Variants in TUSC3 observed in about 807,000 individuals in gnomAD.
TUSC3 encodes tumor suppressor candidate 3, also known as dolichyl-diphosphooligosaccharide--protein glycosyltransferase subunit TUSC3.
In TUSC3, 45 loss-of-function variants were observed where a neutral mutation model predicts 44.8. That is an observed-to-expected ratio of 1.00 (90% CI 0.79 to 1.29). The LOEUF (loss-of-function observed/expected upper bound fraction) is 1.29. Among genes scored for constraint, TUSC3 ranks in the 50% most tolerant of loss-of-function variants. TUSC3 has a pLI of 0.00. For missense variants in TUSC3, 519 were observed against 437.9 expected, an observed-to-expected ratio of 1.19 and a Z score of -1.65; for synonymous variants, 212 against 152.9, an observed-to-expected ratio of 1.39 and a Z score of -2.85.
the TUSC3 span, among the ~76,000 whole-genome samples, chr8:15,849,018 A>C: frequency 6.6e-6 from 1 of 152,324 alleles, no homozygotes; most frequent in Non-Finnish European, 1.5e-5. Context: ...ACATGCCCAG[A>C]ATACTTTTAA....
chr8:15,588,984 A>G (rs539781082), intron 1 of TUSC3, among the ~76,000 whole-genome samples: 2 of 152,250 alleles, frequency 1.3e-5, no homozygotes, highest in South Asian at 4.1e-4. Flanking sequence ...GAAGTTGGGT[A>G]ATGTGATGCT....
At chr8:15,546,505 G>A (rs57599744) in intron 1 of TUSC3, among the ~76,000 whole-genome samples, 3,612 of 151,552 alleles carry the variant, frequency 0.024, 151 homozygotes, top group African/African-American at 0.083. Context: ...GAATATTAAG[G>A]CTTCAAAGAT....
At chr8:15,748,114 G>T (rs1229560394) in intron 8 of TUSC3, among the ~76,000 whole-genome samples, 1 of 152,022 alleles carries the variant, frequency 6.6e-6, no homozygotes, top group Admixed American at 6.6e-5. Flanking sequence ...AGAAGACTTA[G>T]ATCAGTCAAT....
the TUSC3 span, among the ~76,000 whole-genome samples, chr8:15,841,351 C>T: frequency 6.6e-6 from 1 of 151,906 alleles, no homozygotes; most frequent in Non-Finnish European, 1.5e-5. Context: ...AATAAATTTA[C>T]TAGCTAAGGT....
chr8:15,773,096 G>A, the TUSC3 span, among the ~76,000 whole-genome samples: 8 of 129,138 alleles, frequency 6.2e-5, no homozygotes, highest in African/African-American at 1.7e-4. Context: ...GCCTACTTTC[G>A]CCACCTCTAT....
At chr8:15,742,289 C>CT (rs1007127221) in intron 7 of TUSC3, among the ~76,000 whole-genome samples, 5 of 151,956 alleles carry the variant, frequency 3.3e-5, no homozygotes, top group South Asian at 2.1e-4. Context: ...CTTTATTTTC[C>CT]TTTTTTCTAG....
intron 1 of TUSC3, among the ~76,000 whole-genome samples, chr8:15,573,575 C>G (rs1802974589): frequency 1.3e-5 from 2 of 152,028 alleles, no homozygotes; most frequent in South Asian, 4.2e-4. Flanking sequence ...GAGGGCAATG[C>G]AGAGGGAGCC....
the TUSC3 span, among the ~76,000 whole-genome samples, chr8:15,814,687 C>G: frequency 6.6e-6 from 1 of 152,118 alleles, no homozygotes; most frequent in Non-Finnish European, 1.5e-5. Context: ...TTGCCTTACC[C>G]AGAGTTTTTC....
At chr8:15,747,095 C>T (rs1479720620) in intron 8 of TUSC3, among the ~76,000 whole-genome samples, 3 of 152,012 alleles carry the variant, frequency 2.0e-5, no homozygotes, top group African/African-American at 7.2e-5. Flanking sequence ...GAAGATATTC[C>T]TGTAGAGTTG....
intron 6 of TUSC3, among the ~76,000 whole-genome samples, chr8:15,711,463 CGTGTGTGT>C (rs36058270): frequency 0.23 from 33,512 of 144,868 alleles, 3,789 homozygotes; most frequent in African/African-American, 0.27. Flanking sequence ...CAAAAAGGTA[CGTGTGTGT>C]GTGTGTGTGT....
chr8:15,618,019 A>T (rs940426086), intron 1 of TUSC3, among the ~76,000 whole-genome samples: 8 of 152,222 alleles, frequency 5.3e-5, no homozygotes, highest in Non-Finnish European at 1.2e-4. Context: ...GTATTTATGT[A>T]TCTAACCACG....
At chr8:15,438,645 T>C (rs1799981794) in intron 1 of TUSC3, among the ~76,000 whole-genome samples, 1 of 152,218 alleles carries the variant, frequency 6.6e-6, no homozygotes, top group Admixed American at 6.5e-5. Flanking sequence ...GTAAATTGAA[T>C]ACTTTACATC....
intron 1 of TUSC3, among the ~76,000 whole-genome samples, chr8:15,463,164 G>A (rs982541471): frequency 1.3e-5 from 2 of 151,912 alleles, no homozygotes; most frequent in African/African-American, 4.8e-5. Flanking sequence ...AAAAACATAA[G>A]TTTGCAACTG....
At chr8:15,551,503 C>T (rs140682441) in intron 1 of TUSC3, among the ~76,000 whole-genome samples, 86 of 151,764 alleles carry the variant, frequency 5.7e-4, no homozygotes, top group African/African-American at 2.0e-3. Context: ...TGTGGCTGAG[C>T]TGTGTAAGTT....
intron 2 of TUSC3, among the ~76,000 whole-genome samples, chr8:15,485,397 T>C (rs1485335195): frequency 6.6e-6 from 1 of 152,152 alleles, no homozygotes. Context: ...TTGTAAAATA[T>C]GACATGGGTT....
At chr8:15,511,140 A>G (rs1333889306) in intron 2 of TUSC3, among the ~76,000 whole-genome samples, 2 of 152,204 alleles carry the variant, frequency 1.3e-5, no homozygotes, top group African/African-American at 4.8e-5. Context: ...CTTAATGGTG[A>G]AAACATGAAT....
At chr8:15,524,052 G>A (rs1363247485) in intron 2 of TUSC3, among the ~76,000 whole-genome samples, 6 of 88,514 alleles carry the variant, frequency 6.8e-5, no homozygotes, top group South Asian at 3.7e-4. Flanking sequence ...GAGTGACTCC[G>A]TCTCAAAAAA....
At position 15,564,192 on chromosome 8, in the gene TUSC3, G is replaced by A. The variant is rs369151726; in HGVS notation, c.138+23624G>A. 9.1e-4 allele frequency among the ~76,000 whole-genome samples: 139 copies of A among 151,964 alleles called. No individual in the cohort carries two copies. The South Asian group carries it at 0.017, about 18-fold the overall frequency. On this transcript the variant is annotated intron_variant, in intron 1 of 10. Coordinates refer to ENST00000503731, the MANE Select transcript of TUSC3 (RefSeq NM_006765.4). ...CACTTCAAAAATCATTAGAAACTTC[G>A]TAACAATGGGGATGGAATTTTCAAA...
chr8:15,555,744 C>A (rs965075513), intron 1 of TUSC3, among the ~76,000 whole-genome samples: 6 of 151,490 alleles, frequency 4.0e-5, no homozygotes, highest in African/African-American at 1.5e-4. Context: ...TTGCATGTAT[C>A]TAAAGAATCT....
Sources: gnomAD v4.1 joint callset for allele counts (sites outside exome capture counted in the v4.1 genomes callset) on GRCh38, gnomAD v4.1.1 for gene constraint, MANE v1.5 for transcripts, NCBI Gene and HGNC (gene_info 2026-07-23, HGNC 2026-07-21) for gene names.